LARP4: variants seen among roughly 807,000 people sequenced by gnomAD.
The protein encoded by LARP4 is la-related protein 4.
LARP4 carries 29 observed loss-of-function variants against 92.9 expected under a neutral mutation model. That is an observed-to-expected ratio of 0.31 (90% confidence interval 0.23 to 0.43). LARP4 has a LOEUF of 0.43. Among genes scored for constraint, LARP4 ranks in the 20% least tolerant of loss-of-function variants. The probability of loss-of-function intolerance (pLI) is 1.00; values close to 1 mark genes in which losing one functional copy is unlikely to be tolerated. For missense variants in LARP4, 732 were observed against 860.0 expected, an observed-to-expected ratio of 0.85 and a Z score of 1.86; for synonymous variants, 279 against 284.1, an observed-to-expected ratio of 0.98 and a Z score of 0.18.
At position 50,401,025 on chromosome 12, in the gene LARP4, G is replaced by A. The variant is rs1026192992; in HGVS notation, c.15G>A (p.Val5=). Residue 5 remains valine, a synonymous_variant, in exon 1 of 16, where the codon GTG becomes GTA. Transcript: ENST00000398473. MLLF[V]EQVASKGTGL... Reference sequence around the variant, plus strand: ...CAGAGGACGACATGTTGCTTTTCGTGGAGGTGAGTGCATTATGCTAGTCTC... The same window carrying A: ...CAGAGGACGACATGTTGCTTTTCGTAGAGGTGAGTGCATTATGCTAGTCTC... The A allele has an allele frequency of 1.9e-6, 3 of 1,614,040 alleles. No individual in the cohort carries two copies. In the African/African-American group the frequency reaches 4.0e-5, roughly 22 times the overall value.
chr12:50,432,247 A>G lies in LARP4; in HGVS notation c.398+1677A>G, dbSNP rs372579143. On this transcript the variant is annotated intron_variant, in intron 4 of 15. Coordinates refer to ENST00000398473, the MANE Select transcript of LARP4 (RefSeq NM_052879.5). Reference sequence around the variant, plus strand: ...TTTGATTTTATGCTGTACATTACATACAACAGAACCATAGAAGATGTAGGT... The same window carrying G: ...TTTGATTTTATGCTGTACATTACATGCAACAGAACCATAGAAGATGTAGGT... 1.6e-4 allele frequency among the ~76,000 whole-genome samples: 24 copies of G among 152,340 alleles called. No homozygotes were observed. In the South Asian group the frequency reaches 1.9e-3, roughly 12 times the overall value.
intron 2 of LARP4, 53 bp downstream of exon 2, chr12:50,427,962 C>A: frequency 5.3e-6 from 6 of 1,136,084 alleles, no homozygotes; most frequent in South Asian, 3.5e-5. Context: ...AATGTATGGC[C>A]AAGCAAGTTT....
intron 12 of LARP4, among the ~76,000 whole-genome samples, chr12:50,463,579 T>C (rs1176777176): frequency 6.6e-6 from 1 of 151,986 alleles, no homozygotes; most frequent in Non-Finnish European, 1.5e-5. Context: ...AGAGTGAGAC[T>C]CTGTCTCAAA....
intron 15 of LARP4, among the ~76,000 whole-genome samples, chr12:50,475,080 C>CATT (rs1957399149): frequency 6.6e-6 from 1 of 152,164 alleles, no homozygotes; most frequent in African/African-American, 2.4e-5. Flanking sequence ...TCTCACAATA[C>CATT]CTCTATTCCA....
chr12:50,465,532 G>T (rs915768671), intron 12 of LARP4, among the ~76,000 whole-genome samples: 3 of 152,116 alleles, frequency 2.0e-5, no homozygotes, highest in Non-Finnish European at 4.4e-5. Flanking sequence ...TCTTAGCTGG[G>T]AATAAAATTT....
At chr12:50,465,097 C>T (rs1479564340) in intron 12 of LARP4, among the ~76,000 whole-genome samples, 1 of 149,448 alleles carries the variant, frequency 6.7e-6, no homozygotes, top group Non-Finnish European at 1.5e-5. Context: ...TCAGGCCAGG[C>T]GTGGTGTCTC....
Position 50,471,728 on chromosome 12 carries a change from C to T in LARP4, c.1546-1687C>T, listed in dbSNP as rs1004064508. Reference sequence around the variant, plus strand: ...TAGAGACAGGGTTTCGTCTTGTTGGCCAGGCTGGTCTCTCAAACTCCTGAC... The same window carrying T: ...TAGAGACAGGGTTTCGTCTTGTTGGTCAGGCTGGTCTCTCAAACTCCTGAC... On this transcript the variant is annotated intron_variant, in intron 13 of 15. Coordinates refer to ENST00000398473, the MANE Select transcript of LARP4 (RefSeq NM_052879.5). Among the ~76,000 whole-genome samples the T allele has an allele frequency of 1.8e-4, 28 of 152,112 alleles. 1 individual carries two copies. Among genetic ancestry groups the T allele is most frequent in the Admixed American group, 1.8e-3 (28 of 15,264 alleles).
chr12:50,411,554 C>G (rs955712160), intron 1 of LARP4, among the ~76,000 whole-genome samples: 8 of 152,056 alleles, frequency 5.3e-5, no homozygotes, highest in Non-Finnish European at 1.0e-4. Context: ...GTTTTGAACT[C>G]CTAAACTCGG....
At chr12:50,458,946 G>C (rs140055562) in intron 10 of LARP4, among the ~76,000 whole-genome samples, 282 of 152,240 alleles carry the variant, frequency 1.9e-3, no homozygotes, top group Non-Finnish European at 3.5e-3. Flanking sequence ...CCTACATATG[G>C]ATCTTTTGAT....
At chr12:50,460,297 T>C (rs186758919) in intron 10 of LARP4, among the ~76,000 whole-genome samples, 150 of 152,216 alleles carry the variant, frequency 9.9e-4, no homozygotes, top group African/African-American at 3.5e-3. Flanking sequence ...CTTTGGATTT[T>C]CCCCCGTCTC....
chr12:50,449,622 A>G (rs778427696), intron 8 of LARP4, among the ~76,000 whole-genome samples: 8 of 152,172 alleles, frequency 5.3e-5, no homozygotes, highest in South Asian at 4.1e-4. Context: ...GCTAGCTGCT[A>G]TGCTCATTGG....
chr12:50,414,435 CT>C (rs1328355134), intron 1 of LARP4, among the ~76,000 whole-genome samples: 1 of 152,132 alleles, frequency 6.6e-6, no homozygotes, highest in African/African-American at 2.4e-5. Flanking sequence ...TCTTGGGTAC[CT>C]GGAACTAGAG....
intron 9 of LARP4, 44 bp from the exon 10 acceptor site, chr12:50,454,270 T>A: frequency 6.8e-7 from 1 of 1,466,544 alleles, no homozygotes; most frequent in Non-Finnish European, 9.5e-7. Flanking sequence ...ACACCAGATT[T>A]TACCTTTGCC....
chr12:50,466,368 C>G (rs770666146), intron 12 of LARP4, among the ~76,000 whole-genome samples: 1 of 152,118 alleles, frequency 6.6e-6, no homozygotes, highest in Non-Finnish European at 1.5e-5. Context: ...AGTCCCAGCA[C>G]TTTGGGAGGC....
chr12:50,431,831 C>T (rs1949703361), intron 4 of LARP4, among the ~76,000 whole-genome samples: 3 of 152,074 alleles, frequency 2.0e-5, no homozygotes, highest in South Asian at 4.1e-4. Flanking sequence ...GCGGCAAGAG[C>T]GAAATTCCAC....
intron 1 of LARP4, chr12:50,412,270 G>GT (rs201070366): frequency 1.6e-3 from 261 of 167,730 alleles, no homozygotes; most frequent in Non-Finnish European, 2.6e-3. Flanking sequence ...AATGACAGGT[G>GT]TTTTTTTTTC....
At chr12:50,452,285 C>T (rs1209954452) in intron 8 of LARP4, among the ~76,000 whole-genome samples, 1 of 152,116 alleles carries the variant, frequency 6.6e-6, no homozygotes, top group African/African-American at 2.4e-5. Flanking sequence ...ACAATTTCAG[C>T]TCACTGCAAT....
intron 8 of LARP4, among the ~76,000 whole-genome samples, chr12:50,449,528 A>T (rs1471236375): frequency 6.6e-6 from 1 of 152,030 alleles, no homozygotes; most frequent in Non-Finnish European, 1.5e-5. Context: ...CCCATATTTC[A>T]TGCATTTTGG....
rs533245736 is a variant in LARP4 at position 50,441,099 on chromosome 12, G to T, written c.751-491G>T. ...GGGGTTTCACCATATTGGTCAGGCC[G>T]GTCTCAAACTCCTGACCTCGTGATT... On this transcript the variant is annotated intron_variant, in intron 7 of 15. Coordinates refer to ENST00000398473, the MANE Select transcript of LARP4 (RefSeq NM_052879.5). 2.6e-5 allele frequency among the ~76,000 whole-genome samples: 4 copies of T among 151,922 alleles called. No homozygotes were observed. The East Asian group carries it at 7.7e-4, about 29-fold the overall frequency.
Sources: allele counts gnomAD v4.1 joint callset (sites outside exome capture counted in the v4.1 genomes callset), GRCh38; gene constraint gnomAD v4.1.1; transcripts MANE v1.5; gene names NCBI Gene and HGNC (gene_info 2026-07-23, HGNC 2026-07-21).